CCSER1: variants seen among roughly 807,000 people sequenced by gnomAD.
CCSER1 encodes serine-rich coiled-coil domain-containing protein 1.
CCSER1 carries 41 observed loss-of-function variants against 82.0 expected under a neutral mutation model. That is an observed-to-expected ratio of 0.50 (90% CI 0.39 to 0.65). The LOEUF is 0.65. Among genes scored for constraint, CCSER1 ranks in the 30% least tolerant of loss-of-function variants. The probability of loss-of-function intolerance (pLI) is 0.00; values close to 1 mark genes in which losing one functional copy is unlikely to be tolerated. For synonymous variants in CCSER1, 414 were observed against 383.9 expected (o/e 1.08, Z -0.92); for missense variants, 1,119 against 1,064.2 (o/e 1.05, Z -0.72).
chr4:91,360,099 G>A (rs1749150858), intron 10 of CCSER1, among the ~76,000 whole-genome samples: 1 of 151,724 alleles, frequency 6.6e-6, no homozygotes, highest in South Asian at 2.1e-4. Context: ...TATGATTAAT[G>A]GTAGTGTGGC....
At chr4:90,928,529 A>G (rs1038526033) in intron 9 of CCSER1, among the ~76,000 whole-genome samples, 12 of 152,112 alleles carry the variant, frequency 7.9e-5, no homozygotes, top group African/African-American at 2.9e-4. Flanking sequence ...TCAATAAGCT[A>G]AGTAAATAAG....
intron 5 of CCSER1, among the ~76,000 whole-genome samples, chr4:90,570,053 T>C (rs1779918569): frequency 6.6e-6 from 1 of 152,122 alleles, no homozygotes; most frequent in South Asian, 2.1e-4. Context: ...CTGAGGGATA[T>C]AGAACTGAGA....
At chr4:90,299,957 T>C (rs1732774356) in intron 1 of CCSER1, among the ~76,000 whole-genome samples, 1 of 152,122 alleles carries the variant, frequency 6.6e-6, no homozygotes, top group Admixed American at 6.6e-5. Context: ...AATTATTACC[T>C]AGGAAATATC....
At chr4:90,722,177 T>A (rs1255134695) in intron 6 of CCSER1, among the ~76,000 whole-genome samples, 1 of 151,974 alleles carries the variant, frequency 6.6e-6, no homozygotes, top group Non-Finnish European at 1.5e-5. Flanking sequence ...GGCTTTTCAA[T>A]TTTTACAAAT....
At chr4:90,313,133 T>C in intron 3 of CCSER1, 86 bp downstream of exon 3, 1 of 1,096,866 alleles carries the variant, frequency 9.1e-7, no homozygotes, top group Non-Finnish European at 1.3e-6. Context: ...GAACACAGAC[T>C]ACAGGATAGA....
chr4:90,779,986 T>C (rs1753527306), intron 7 of CCSER1, among the ~76,000 whole-genome samples: 1 of 152,224 alleles, frequency 6.6e-6, no homozygotes, highest in Admixed American at 6.5e-5. Context: ...TAAATAATTC[T>C]TGTGCTGCTG....
chr4:91,522,123 T>G (rs928892455), intron 10 of CCSER1, among the ~76,000 whole-genome samples: 5 of 152,212 alleles, frequency 3.3e-5, no homozygotes, highest in Non-Finnish European at 5.9e-5. Context: ...CCCAGCACCA[T>G]TTATTATAGG....
intron 1 of CCSER1, among the ~76,000 whole-genome samples, chr4:90,191,844 C>T (rs879479220): frequency 3.9e-5 from 6 of 152,010 alleles, no homozygotes; most frequent in Non-Finnish European, 8.8e-5. Flanking sequence ...AAATACCCAA[C>T]AGTATGGTAT....
intron 9 of CCSER1, among the ~76,000 whole-genome samples, chr4:91,083,715 TAAAA>T (rs1203837890): frequency 6.6e-6 from 1 of 151,906 alleles, no homozygotes; most frequent in African/African-American, 2.4e-5. Flanking sequence ...ATAGCTGAAA[TAAAA>T]ATTTCACTGA....
intron 6 of CCSER1, among the ~76,000 whole-genome samples, chr4:90,700,945 C>T (rs1234834228): frequency 1.3e-5 from 2 of 152,248 alleles, no homozygotes; most frequent in Middle Eastern, 3.4e-3. Flanking sequence ...CCTGTTCACT[C>T]TGATGGTAGT....
At chr4:91,097,339 T>C (rs1724610523) in intron 10 of CCSER1, among the ~76,000 whole-genome samples, 1 of 151,410 alleles carries the variant, frequency 6.6e-6, no homozygotes, top group African/African-American at 2.4e-5. Context: ...AAGGCTGTTA[T>C]TGGAAGTTAC....
chr4:90,459,206 G>A (rs189562228), intron 4 of CCSER1, among the ~76,000 whole-genome samples: 305 of 152,152 alleles, frequency 2.0e-3, no homozygotes, highest in African/African-American at 7.1e-3. Flanking sequence ...GGGAAGGAGG[G>A]AACCATAATG....
chr4:91,464,656 A>G (rs12499029), intron 10 of CCSER1, among the ~76,000 whole-genome samples: 105,237 of 151,968 alleles, frequency 0.69, 36,746 homozygotes, highest in East Asian at 0.89. Flanking sequence ...GGGATGGAGG[A>G]AGATCTCCCA....
At chr4:90,945,603 C>T (rs910626003) in intron 9 of CCSER1, among the ~76,000 whole-genome samples, 5 of 152,188 alleles carry the variant, frequency 3.3e-5, no homozygotes, top group Non-Finnish European at 5.9e-5. Context: ...TTTCTCTGTT[C>T]TCCTGCTTTT....
intron 6 of CCSER1, among the ~76,000 whole-genome samples, chr4:90,670,527 C>T (rs2097093256): frequency 6.6e-6 from 1 of 151,968 alleles, no homozygotes; most frequent in African/African-American, 2.4e-5. Flanking sequence ...GTTGGAAAAG[C>T]AGGTTAGCAA....
At chr4:91,409,459 T>C (rs1342332834) in intron 10 of CCSER1, among the ~76,000 whole-genome samples, 1 of 152,166 alleles carries the variant, frequency 6.6e-6, no homozygotes, top group Non-Finnish European at 1.5e-5. Context: ...TTCTGTAGTT[T>C]TCAAATTTTA....
At chr4:90,130,127 C>G (rs1287388685) in intron 1 of CCSER1, among the ~76,000 whole-genome samples, 1 of 152,106 alleles carries the variant, frequency 6.6e-6, no homozygotes, top group Non-Finnish European at 1.5e-5. Flanking sequence ...AGTTATTCAA[C>G]CCTTTATTGC....
intron 10 of CCSER1, among the ~76,000 whole-genome samples, chr4:91,464,519 T>C (rs181063396): frequency 2.4e-4 from 37 of 152,334 alleles, no homozygotes; most frequent in Non-Finnish European, 1.0e-4. Flanking sequence ...ACCTTAAATG[T>C]AAATGGGCTA....
intron 10 of CCSER1, among the ~76,000 whole-genome samples, chr4:91,256,712 G>T (rs565580953): frequency 1.3e-5 from 2 of 152,168 alleles, no homozygotes; most frequent in Admixed American, 6.5e-5. Context: ...TTGCCATGTA[G>T]GTGGCACAAA....
Sources: allele counts gnomAD v4.1 joint callset (sites outside exome capture counted in the v4.1 genomes callset), GRCh38; gene constraint gnomAD v4.1.1; transcripts MANE v1.5; gene names NCBI Gene and HGNC (gene_info 2026-07-23, HGNC 2026-07-21).